The following LRRC4B variants were observed in gnomAD, a reference collection of about 807,000 sequenced individuals.
LRRC4B encodes the protein leucine-rich repeat-containing protein 4B.
Under a neutral mutation model 7.3 loss-of-function variants are expected in LRRC4B, and 1 was observed. That is an observed-to-expected ratio of 0.14 (90% CI 0.05 to 0.65). The LOEUF (loss-of-function observed/expected upper bound fraction) is 0.65, where lower values mean the gene tolerates loss of function less well. LRRC4B is among the 30% of genes least tolerant of loss of function. The probability of loss-of-function intolerance (pLI) is 0.84; values close to 1 mark genes in which losing one functional copy is unlikely to be tolerated. For missense variants in LRRC4B, 730 were observed against 1,041.6 expected, an observed-to-expected ratio of 0.70 and a Z score of 4.12; for synonymous variants, 500 against 499.2, an observed-to-expected ratio of 1.00 and a Z score of -0.02.
At position 50,517,785 on chromosome 19, in the gene LRRC4B, C is replaced by A. The variant is rs887616717; in HGVS notation, c.1928G>T (p.Gly643Val). The A allele has an allele frequency of 3.9e-6, 6 of 1,531,044 alleles. No homozygotes were observed. The highest frequency in any genetic ancestry group is 5.2e-6 in the Non-Finnish European group (6 of 1,145,244). The allele number at this position is 1,531,044 out of a possible 1,614,324, so 94.8% of individuals were successfully genotyped here. The change falls in exon 3 of 3, where the codon GGT becomes GTT. Residue 643 changes from glycine to valine, a missense_variant. Transcript: ENST00000652263. This position sits in a 1 kb window ranked among gnomAD's most constrained non-coding sequence, Gnocchi z 6.6. ...AAAAAVASGG[G>V]VGGDSHLALP... is the part of the protein sequence containing the mutation. ...GGCCAGGTGGCTGTCCCCGCCCACA[C>A]CACCCCCACTGGCCACGGCGGCCGC... is the stretch of plus-strand genomic sequence containing the variant.
At chr19:50,520,462 T>C (rs948253672) in intron 2 of LRRC4B, among the ~76,000 whole-genome samples, 1 of 150,276 alleles carries the variant, frequency 6.7e-6, no homozygotes, top group South Asian at 2.1e-4. Context: ...AAACCCCGTC[T>C]CTACTAAAAA....
chr19:50,522,473 TATTTATTTATTTA>T (rs1219054830), intron 2 of LRRC4B, among the ~76,000 whole-genome samples: 1 of 150,430 alleles, frequency 6.6e-6, no homozygotes, highest in Non-Finnish European at 1.5e-5. Flanking sequence ...TTTATTTATT[TATTTATTTATTTA>T]TTTATTTTGA....
At chr19:50,551,738 TTGTC>T (rs1599782000) in intron 1 of LRRC4B, among the ~76,000 whole-genome samples, 1 of 151,054 alleles carries the variant, frequency 6.6e-6, no homozygotes, top group African/African-American at 2.4e-5. Flanking sequence ...CTCAGTCAGG[TTGTC>T]TGTCTGTCCG....
chr19:50,562,532 C>T (rs982440337), intron 1 of LRRC4B, among the ~76,000 whole-genome samples: 1 of 152,154 alleles, frequency 6.6e-6, no homozygotes, highest in Non-Finnish European at 1.5e-5. Flanking sequence ...TGCGTTTACC[C>T]CCTGGGGCTG....
chr19:50,546,642 G>A (rs149318522), intron 2 of LRRC4B, among the ~76,000 whole-genome samples: 3 of 152,304 alleles, frequency 2.0e-5, no homozygotes, highest in African/African-American at 4.8e-5. Flanking sequence ...CATGATATAC[G>A]GAGGGAGCGG....
In LRRC4B at chr19:50,548,967, G is replaced by A. The variant is rs1036604165; in HGVS notation, c.-35-94C>T. On this transcript the variant is annotated intron_variant, in intron 1 of 2. Transcript: ENST00000652263. This position sits in a 1 kb window ranked among gnomAD's most constrained non-coding sequence, Gnocchi z 6.8. ...CCAACACCCAGGCAGCCCCATCGCCGCCTCCCTGCCCCATGCCCAGAACAA... is the reference window on the plus strand; with the variant it reads ...CCAACACCCAGGCAGCCCCATCGCCACCTCCCTGCCCCATGCCCAGAACAA... The A allele has an allele frequency of 1.2e-5, 8 of 662,108 alleles. No homozygotes were observed. Among genetic ancestry groups the A allele is most frequent in the Admixed American group, 9.2e-5 (3 of 32,652 alleles). The allele number at this position is 662,108 out of a possible 1,614,324, so 41.0% of individuals were successfully genotyped here. A position where few individuals can be genotyped will look rare whatever the true frequency, so the allele number is the denominator to read the frequency against.
intron 2 of LRRC4B, among the ~76,000 whole-genome samples, chr19:50,520,724 C>T (rs577826222): frequency 2.0e-5 from 3 of 152,042 alleles, no homozygotes; most frequent in East Asian, 1.9e-4. Flanking sequence ...ATCACCTGAG[C>T]GCAGAAGCTT....
At chr19:50,545,965 C>G (rs1259633980) in intron 2 of LRRC4B, among the ~76,000 whole-genome samples, 2 of 151,748 alleles carry the variant, frequency 1.3e-5, no homozygotes, top group African/African-American at 4.8e-5. Flanking sequence ...CTCAAGCAAT[C>G]CACCTGCCTC....
In LRRC4B at chr19:50,537,429, GT is replaced by G. The variant is rs777074810; in HGVS notation, c.297+11112del. The stretch of plus-strand genomic sequence containing the variant: ...CCTCGCTGAGCTGTAGAAATAATTG[GT>G]CTATTTTCTAGACGAGAAGGCAGGC... On this transcript the variant is annotated intron_variant, in intron 2 of 2. Coordinates refer to ENST00000652263, the MANE Select transcript of LRRC4B (RefSeq NM_001080457.2). The surrounding 1 kb of genome is among the most constrained non-coding windows in gnomAD (Gnocchi z 5.5). 2.6e-5 allele frequency among the ~76,000 whole-genome samples: 4 copies of G among 152,174 alleles called. No homozygotes were observed. The highest frequency in any genetic ancestry group is 4.4e-5 in the Non-Finnish European group (3 of 68,042).
intron 1 of LRRC4B, among the ~76,000 whole-genome samples, chr19:50,552,674 AT>A (rs1568734035): frequency 7.4e-5 from 10 of 135,758 alleles, no homozygotes; most frequent in South Asian, 5.1e-4. Context: ...CCATCCATCC[AT>A]CCATCCATCC....
rs1982718875 is a variant in LRRC4B, at chr19:50,568,360, G to GGCCCCGGCCCCC, written c.-464_-453dup. Among the ~76,000 whole-genome samples the GGCCCCGGCCCCC allele has an allele frequency of 4.2e-5, 1 of 23,834 alleles. No homozygotes were observed. Among genetic ancestry groups the GGCCCCGGCCCCC allele is most frequent in the Non-Finnish European group, 8.1e-5 (1 of 12,328 alleles). 15.6% of individuals were successfully genotyped at this position (23,834 alleles called of 152,430 possible). On this transcript the variant is annotated 5_prime_UTR_variant, in exon 1 of 3. Transcript: ENST00000652263. ...CCACCCCCCCCCAGGCCCCGGCCCC[G>GGCCCCGGCCCCC]GCCCCGGCCCCCGCCTCGGACGGTG...
rs988773533 is a variant in LRRC4B, at chr19:50,517,540, C to T, written c.*31G>A. ...CGGGCTGGGACCTGGGTGGGGGGCT[C>T]CACGCCCCTCGCCCGCCCGGCCCCG... On this transcript the variant is annotated 3_prime_UTR_variant, in exon 3 of 3. Coordinates refer to ENST00000652263, the MANE Select transcript of LRRC4B (RefSeq NM_001080457.2). This position sits in a 1 kb window ranked among gnomAD's most constrained non-coding sequence, Gnocchi z 6.6. The T allele has an allele frequency of 3.6e-6, 5 of 1,402,682 alleles. No individual in the cohort carries two copies. The highest frequency in any genetic ancestry group is 3.0e-5 in the African/African-American group (2 of 66,640). 86.9% of individuals were successfully genotyped at this position (1,402,682 alleles called of 1,614,324 possible).
intron 2 of LRRC4B, among the ~76,000 whole-genome samples, chr19:50,530,932 G>GA (rs1491389770): frequency 2.0e-5 from 3 of 149,054 alleles, no homozygotes; most frequent in Admixed American, 6.6e-5. Context: ...GAAACCTGGG[G>GA]GGGGGGGGTC....
Position 50,549,745 on chromosome 19 carries a change from C to T in LRRC4B, c.-35-872G>A, listed in dbSNP as rs1380757496. Among the ~76,000 whole-genome samples, 6 of 152,258 alleles carry T rather than the reference C, an allele frequency of 3.9e-5. 1 individual carries two copies. Among genetic ancestry groups the T allele is most frequent in the Non-Finnish European group, 5.9e-5 (4 of 67,998 alleles). On this transcript the variant is annotated intron_variant, in intron 1 of 2. Transcript: ENST00000652263. Reference sequence around the variant, plus strand: ...GGACCTGACGGGGGGCGGCACAGGCCGAGAGGCCACCAGCTGCACCCCCTC... The same window carrying T: ...GGACCTGACGGGGGGCGGCACAGGCTGAGAGGCCACCAGCTGCACCCCCTC...
At position 50,537,376 on chromosome 19, in the gene LRRC4B, G is replaced by C. The variant is rs1443104117; in HGVS notation, c.297+11166C>G. Among the ~76,000 whole-genome samples, 1 of 152,166 alleles carries C rather than the reference G, an allele frequency of 6.6e-6. No homozygotes were observed. The highest frequency in any genetic ancestry group is 1.5e-5 in the Non-Finnish European group (1 of 68,034). On this transcript the variant is annotated intron_variant, in intron 2 of 2. Transcript: ENST00000652263. The surrounding 1 kb of genome is among the most constrained non-coding windows in gnomAD (Gnocchi z 5.5). ...CTGTAAAGGGCTTGGAGCAATGCTG[G>C]GGGCCCGACTGACATTCTCCCGCCC... is the stretch of plus-strand genomic sequence containing the variant.
At chr19:50,521,630 G>A (rs1274622) in intron 2 of LRRC4B, among the ~76,000 whole-genome samples, 20,438 of 152,034 alleles carry the variant, frequency 0.13, 1,890 homozygotes, top group East Asian at 0.42. Context: ...GTTTCACCAT[G>A]TTGGCCAGGC....
At chr19:50,562,533 C>G (rs1982501267) in intron 1 of LRRC4B, among the ~76,000 whole-genome samples, 1 of 152,166 alleles carries the variant, frequency 6.6e-6, no homozygotes, top group Admixed American at 6.5e-5. Context: ...GCGTTTACCC[C>G]CTGGGGCTGG....
At chr19:50,549,434 A>C (rs1267468543) in intron 1 of LRRC4B, among the ~76,000 whole-genome samples, 1 of 146,028 alleles carries the variant, frequency 6.8e-6, no homozygotes, top group Non-Finnish European at 1.5e-5. Context: ...CATCCCAGGG[A>C]TGTTAGCGAA....
At position 50,548,875 on chromosome 19, in the gene LRRC4B, T is replaced by C; in HGVS notation, c.-35-2A>G. 1.2e-6 allele frequency: 1 copy of C among 803,610 alleles called. No individual in the cohort carries two copies. Among genetic ancestry groups the C allele is most frequent in the Non-Finnish European group, 1.6e-6 (1 of 627,720 alleles). 49.8% of individuals were successfully genotyped at this position (803,610 alleles called of 1,614,324 possible). ...ATGCTCCGCGTGGACGCTGGGGGGC[T>C]GTGGGTGGGGGAGAGAAGGGGGAGA... On this transcript the variant is annotated splice_acceptor_variant, in intron 1 of 2. Coordinates refer to ENST00000652263, the MANE Select transcript of LRRC4B (RefSeq NM_001080457.2). LOFTEE classifies it low-confidence loss of function (5UTR_SPLICE). The surrounding 1 kb of genome is among the most constrained non-coding windows in gnomAD (Gnocchi z 6.8).
Sources: gnomAD v4.1 joint callset for allele counts (sites outside exome capture counted in the v4.1 genomes callset) on GRCh38, gnomAD v4.1.1 for gene constraint, Gnocchi (gnomAD v3.1) non-coding constraint, MANE v1.5 for transcripts, NCBI Gene and HGNC (gene_info 2026-07-23, HGNC 2026-07-21) for gene names.